Variants in STAG1 observed in about 807,000 individuals in gnomAD.
STAG1 encodes STAG1 cohesin complex component.
In STAG1, 26 loss-of-function variants were observed where a neutral mutation model predicts 170.9. The observed-to-expected ratio is 0.15, with a 90% CI of 0.11 to 0.21. The LOEUF (loss-of-function observed/expected upper bound fraction) is 0.21. STAG1 is among the 10% of genes least tolerant of loss of function. STAG1 has a pLI of 1.00. For synonymous variants in STAG1, 514 were observed against 497.7 expected, an observed-to-expected ratio of 1.03 and a Z score of -0.44; for missense variants, 964 against 1,509.5, an observed-to-expected ratio of 0.64 and a Z score of 5.99.
At chr3:136,593,399 C>T (rs1938281334) in intron 4 of STAG1, among the ~76,000 whole-genome samples, 1 of 152,206 alleles carries the variant, frequency 6.6e-6, no homozygotes, top group Non-Finnish European at 1.5e-5. Flanking sequence ...GAAAACAGCA[C>T]AGGAGGATAT....
intron 13 of STAG1, among the ~76,000 whole-genome samples, chr3:136,456,961 T>C (rs1466536412): frequency 1.3e-5 from 2 of 152,162 alleles, no homozygotes; most frequent in Non-Finnish European, 2.9e-5. Context: ...AAATAGAAGC[T>C]GAGGGAATTC....
At chr3:136,650,829 C>T (rs1941192653) in intron 1 of STAG1, among the ~76,000 whole-genome samples, 1 of 151,342 alleles carries the variant, frequency 6.6e-6, no homozygotes, top group Admixed American at 6.6e-5. Flanking sequence ...AACTGGTAGC[C>T]CTGAGCAGTT....
chr3:136,660,282 A>T (rs1941535988), intron 1 of STAG1, among the ~76,000 whole-genome samples: 1 of 152,244 alleles, frequency 6.6e-6, no homozygotes, highest in Non-Finnish European at 1.5e-5. Flanking sequence ...GCAATTCTGC[A>T]ACTAAGAAAA....
chr3:136,477,214 T>A, intron 10 of STAG1, 75 bp downstream of exon 10: 1 of 1,466,372 alleles, frequency 6.8e-7, no homozygotes, highest in Non-Finnish European at 9.1e-7. Context: ...AATCAACTAC[T>A]GTCATTTTGA....
At chr3:136,455,624 T>C (rs2089088427) in intron 13 of STAG1, among the ~76,000 whole-genome samples, 1 of 152,172 alleles carries the variant, frequency 6.6e-6, no homozygotes, top group Non-Finnish European at 1.5e-5. Context: ...TGCACGGATC[T>C]TGGCAGCCAC....
intron 1 of STAG1, among the ~76,000 whole-genome samples, chr3:136,689,709 T>TA (rs1942657208): frequency 6.6e-6 from 1 of 152,142 alleles, no homozygotes. Context: ...CAGCATTTCT[T>TA]ACAGCATTAT....
intron 13 of STAG1, among the ~76,000 whole-genome samples, chr3:136,453,927 G>T (rs375023557): frequency 4.0e-5 from 6 of 151,760 alleles, no homozygotes; most frequent in African/African-American, 1.4e-4. Flanking sequence ...AGGTTTTCTG[G>T]GGGGGCAGGT....
At chr3:136,362,798 A>G (rs966797159) in intron 26 of STAG1, among the ~76,000 whole-genome samples, 2 of 151,928 alleles carry the variant, frequency 1.3e-5, no homozygotes, top group African/African-American at 4.8e-5. Flanking sequence ...GTAGGACTAT[A>G]AACAGCTATT....
At chr3:136,552,479 T>C (rs190146068) in intron 5 of STAG1, among the ~76,000 whole-genome samples, 1 of 152,326 alleles carries the variant, frequency 6.6e-6, no homozygotes, top group South Asian at 2.1e-4. Flanking sequence ...TGAAGCCATA[T>C]GAAGCAGGAA....
At chr3:136,700,446 T>C (rs1943021927) in intron 1 of STAG1, among the ~76,000 whole-genome samples, 1 of 151,308 alleles carries the variant, frequency 6.6e-6, no homozygotes, top group African/African-American at 2.4e-5. Flanking sequence ...TGAGACAGAA[T>C]TTCGCTCTTG....
intron 9 of STAG1, among the ~76,000 whole-genome samples, chr3:136,477,717 T>A (rs1298499449): frequency 1.3e-5 from 2 of 152,168 alleles, no homozygotes; most frequent in Non-Finnish European, 2.9e-5. Context: ...AAGAAACATG[T>A]TAAACTTTCT....
chr3:136,728,885 T>C (rs1405978812), intron 1 of STAG1, among the ~76,000 whole-genome samples: 5 of 152,238 alleles, frequency 3.3e-5, no homozygotes, highest in African/African-American at 1.2e-4. Context: ...TTTAATCTAA[T>C]ACTTTGACAT....
At chr3:136,751,239 G>A (rs1282408590) in intron 1 of STAG1, among the ~76,000 whole-genome samples, 1 of 149,786 alleles carries the variant, frequency 6.7e-6, no homozygotes, top group Non-Finnish European at 1.5e-5. Context: ...TACTCCCGGA[G>A]CACGATTCCC....
intron 9 of STAG1, among the ~76,000 whole-genome samples, chr3:136,485,800 C>T (rs1576519129): frequency 6.6e-6 from 1 of 152,120 alleles, no homozygotes; most frequent in African/African-American, 2.4e-5. Context: ...GCTTTTTTCA[C>T]AAATCATATT....
At chr3:136,467,791 G>A (rs1283516892) in intron 12 of STAG1, among the ~76,000 whole-genome samples, 1 of 152,116 alleles carries the variant, frequency 6.6e-6, no homozygotes, top group Non-Finnish European at 1.5e-5. Flanking sequence ...TAAAAGAACA[G>A]AAATTATAAC....
chr3:136,607,433 C>T (rs909636009), intron 3 of STAG1, among the ~76,000 whole-genome samples: 1 of 152,086 alleles, frequency 6.6e-6, no homozygotes, highest in Non-Finnish European at 1.5e-5. Context: ...GACAGATTCT[C>T]TCTTTGTTGC....
At chr3:136,375,053 A>C (rs1181904332) in intron 23 of STAG1, among the ~76,000 whole-genome samples, 1 of 152,200 alleles carries the variant, frequency 6.6e-6, no homozygotes, top group Non-Finnish European at 1.5e-5. Flanking sequence ...CATACCATAG[A>C]GCATAGGCAT....
At chr3:136,339,442 G>C (rs1274149025) in intron 32 of STAG1, among the ~76,000 whole-genome samples, 1 of 152,172 alleles carries the variant, frequency 6.6e-6, no homozygotes, top group African/African-American at 2.4e-5. Flanking sequence ...AGAATCGCTT[G>C]AACCTGGGAG....
intron 1 of STAG1, among the ~76,000 whole-genome samples, chr3:136,708,967 CTTTTTTT>C (rs61595071): frequency 0.01 from 889 of 86,082 alleles, 21 homozygotes; most frequent in African/African-American, 0.038. Flanking sequence ...CTGCAGCTGG[CTTTTTTT>C]TTTTTTTTTT....
Sources: allele counts gnomAD v4.1 joint callset (sites outside exome capture counted in the v4.1 genomes callset), GRCh38; gene constraint gnomAD v4.1.1; transcripts MANE v1.5; gene names NCBI Gene and HGNC (gene_info 2026-07-23, HGNC 2026-07-21).